Variants in AGBL1 observed in about 807,000 individuals in gnomAD.
The protein encoded by AGBL1 is AGBL carboxypeptidase 1.
AGBL1 carries 130 observed loss-of-function variants against 118.9 expected under a neutral mutation model. The ratio of observed to expected loss-of-function variants is 1.09; its 90% CI spans 0.95 to 1.26. AGBL1 has a LOEUF of 1.26. AGBL1 is among the 50% of genes most tolerant of loss of function. AGBL1 has a pLI of 0.00. For missense variants in AGBL1, 1,584 were observed against 1,298.1 expected (o/e 1.22, Z -3.38); for synonymous variants, 555 against 478.9 (o/e 1.16, Z -2.08).
chr15:86,573,436 G>A (rs2084038252), intron 21 of AGBL1, among the ~76,000 whole-genome samples: 1 of 152,240 alleles, frequency 6.6e-6, no homozygotes, highest in African/African-American at 2.4e-5. Context: ...AGGAGATGAT[G>A]ATTTAGGCTT....
At chr15:86,484,019 C>A (rs985146603) in intron 18 of AGBL1, among the ~76,000 whole-genome samples, 8 of 152,092 alleles carry the variant, frequency 5.3e-5, no homozygotes, top group Non-Finnish European at 1.0e-4. Flanking sequence ...TTAATGAAGA[C>A]CTGCTGCTTT....
chr15:86,824,401 G>C (rs1449765146), intron 22 of AGBL1, among the ~76,000 whole-genome samples: 1 of 152,026 alleles, frequency 6.6e-6, no homozygotes, highest in Admixed American at 6.6e-5. Flanking sequence ...AGAATGGTAT[G>C]ATTACAATTA....
intron 1 of AGBL1, among the ~76,000 whole-genome samples, chr15:86,139,291 G>A (rs1453301585): frequency 6.6e-6 from 1 of 151,464 alleles, no homozygotes; most frequent in Non-Finnish European, 1.5e-5. Context: ...TGAGTTCAGG[G>A]TTCTCTTCTG....
chr15:86,968,043 G>T (rs913117010), intron 23 of AGBL1, among the ~76,000 whole-genome samples: 1 of 151,654 alleles, frequency 6.6e-6, no homozygotes, highest in Admixed American at 6.6e-5. Context: ...GTCCGGGATT[G>T]AATCATTTCA....
chr15:86,626,629 G>A (rs1470446057), intron 21 of AGBL1, among the ~76,000 whole-genome samples: 1 of 152,040 alleles, frequency 6.6e-6, no homozygotes, highest in Non-Finnish European at 1.5e-5. Flanking sequence ...TAACAAACCT[G>A]CATGCATACC....
chr15:86,387,103 G>A (rs1241515713), intron 17 of AGBL1, among the ~76,000 whole-genome samples: 2 of 152,032 alleles, frequency 1.3e-5, no homozygotes, highest in East Asian at 3.9e-4. Flanking sequence ...TGGATTCTAG[G>A]GTCACATGGT....
chr15:86,566,886 G>A (rs941487911), intron 21 of AGBL1, among the ~76,000 whole-genome samples: 5 of 152,172 alleles, frequency 3.3e-5, no homozygotes, highest in Non-Finnish European at 5.9e-5. Flanking sequence ...TCCAGGGAGA[G>A]CTCTACATTT....
At chr15:86,514,191 A>T (rs1425391755) in intron 18 of AGBL1, among the ~76,000 whole-genome samples, 3 of 151,628 alleles carry the variant, frequency 2.0e-5, no homozygotes, top group African/African-American at 7.3e-5. Flanking sequence ...TCTATCTGTA[A>T]ATTTAAAATC....
At chr15:86,687,786 T>A (rs1248427736) in intron 22 of AGBL1, among the ~76,000 whole-genome samples, 1 of 152,194 alleles carries the variant, frequency 6.6e-6, no homozygotes, top group Non-Finnish European at 1.5e-5. Context: ...TTCTTCACTA[T>A]GTTCAGGTGT....
At chr15:86,140,681 G>A (rs1338495460) in intron 1 of AGBL1, among the ~76,000 whole-genome samples, 1 of 152,110 alleles carries the variant, frequency 6.6e-6, no homozygotes, top group Non-Finnish European at 1.5e-5. Flanking sequence ...GGGTTGGATG[G>A]GATCTCGTGG....
intron 17 of AGBL1, among the ~76,000 whole-genome samples, chr15:86,382,682 TTC>T: frequency 6.6e-6 from 1 of 151,976 alleles, no homozygotes; most frequent in East Asian, 1.9e-4. Context: ...ATTATTATTA[TTC>T]TCTTTCTTTT....
chr15:86,769,541 C>T (rs568187543), intron 22 of AGBL1, among the ~76,000 whole-genome samples: 1 of 152,062 alleles, frequency 6.6e-6, no homozygotes, highest in Admixed American at 6.6e-5. Context: ...GTAATCTTGT[C>T]CAAGAACTCT....
At chr15:86,098,902 A>G (rs1473398362) in intron 1 of AGBL1, among the ~76,000 whole-genome samples, 1 of 152,102 alleles carries the variant, frequency 6.6e-6, no homozygotes, top group Non-Finnish European at 1.5e-5. Context: ...TGCTTTGGGT[A>G]GTATGGTTGT....
intron 22 of AGBL1, among the ~76,000 whole-genome samples, chr15:86,752,455 C>T (rs188593749): frequency 1.3e-5 from 2 of 152,186 alleles, no homozygotes; most frequent in East Asian, 3.9e-4. Flanking sequence ...TTTCTAGGTT[C>T]TTCCTGAGGT....
intron 17 of AGBL1, among the ~76,000 whole-genome samples, chr15:86,378,867 G>A (rs2081073772): frequency 6.6e-6 from 1 of 151,098 alleles, no homozygotes; most frequent in Non-Finnish European, 1.5e-5. Context: ...AACTTGGACA[G>A]TTCTTGACAG....
At chr15:86,956,115 C>T (rs569262160) in intron 23 of AGBL1, among the ~76,000 whole-genome samples, 1 of 151,916 alleles carries the variant, frequency 6.6e-6, no homozygotes, top group South Asian at 2.1e-4. Context: ...GGTCCATTAA[C>T]TAGGAAAATA....
At chr15:86,250,927 T>TTGC (rs1262192026) in intron 7 of AGBL1, among the ~76,000 whole-genome samples, 5 of 152,168 alleles carry the variant, frequency 3.3e-5, no homozygotes, top group Non-Finnish European at 7.4e-5. Flanking sequence ...TATGCTGCTG[T>TTGC]TGCTGCTGCT....
chr15:86,410,837 T>TATATATATATAA (rs1324615516), intron 18 of AGBL1, among the ~76,000 whole-genome samples: 2 of 101,190 alleles, frequency 2.0e-5, no homozygotes, highest in African/African-American at 9.0e-5. Context: ...TATATATATA[T>TATATATATATAA]ATATAATATA....
chr15:86,647,687 C>A (rs1258454220), intron 21 of AGBL1, among the ~76,000 whole-genome samples: 1 of 151,992 alleles, frequency 6.6e-6, no homozygotes, highest in Non-Finnish European at 1.5e-5. Context: ...GGTGACAGAG[C>A]AAGACTCTGT....
Sources: allele counts gnomAD v4.1 joint callset (sites outside exome capture counted in the v4.1 genomes callset), GRCh38; gene constraint gnomAD v4.1.1; transcripts MANE v1.5; gene names NCBI Gene and HGNC (gene_info 2026-07-23, HGNC 2026-07-21).